ERC1: variants seen among roughly 807,000 people sequenced by gnomAD.
The protein encoded by ERC1 is ELKS/RAB6-interacting/CAST family member 1, also known as RAB6 interacting protein 2.
A neutral mutation model predicts 132.0 loss-of-function variants in ERC1; 56 were observed. That is an observed-to-expected ratio of 0.42 (90% CI 0.34 to 0.53). The LOEUF (loss-of-function observed/expected upper bound fraction) is 0.53, where lower values mean the gene tolerates loss of function less well. ERC1 is among the 20% of genes least tolerant of loss of function. ERC1 has a pLI of 0.03. For synonymous variants in ERC1, 478 were observed against 476.1 expected (o/e 1.00, Z -0.05); for missense variants, 1,202 against 1,349.9 (o/e 0.89, Z 1.72).
intron 7 of ERC1, among the ~76,000 whole-genome samples, chr12:1,133,017 G>C (rs749122213): frequency 1.3e-5 from 2 of 151,896 alleles, no homozygotes; most frequent in Non-Finnish European, 2.9e-5. Flanking sequence ...CACCACGCCT[G>C]ACTAATTTTT....
chr12:1,172,327 G>T (rs921660119), intron 8 of ERC1, among the ~76,000 whole-genome samples: 3 of 152,098 alleles, frequency 2.0e-5, no homozygotes, highest in African/African-American at 7.2e-5. Flanking sequence ...AATCGGCTGG[G>T]TGTGGTGGCA....
At chr12:1,180,771 A>C (rs1050003064) in intron 9 of ERC1, 94 bp downstream of exon 9, 117 of 1,453,546 alleles carry the variant, frequency 8.0e-5, no homozygotes, top group Non-Finnish European at 5.1e-5. Flanking sequence ...CTGTGGGCAC[A>C]AGGGAAAAGA....
intron 3 of ERC1, among the ~76,000 whole-genome samples, chr12:1,099,376 T>C (rs555336307): frequency 6.6e-6 from 1 of 152,160 alleles, no homozygotes; most frequent in African/African-American, 2.4e-5. Flanking sequence ...TGGATTTTAG[T>C]TGGCCGAAAA....
chr12:1,009,391 G>A (rs1419721461), intron 1 of ERC1, among the ~76,000 whole-genome samples: 2 of 152,018 alleles, frequency 1.3e-5, no homozygotes, highest in South Asian at 2.1e-4. Flanking sequence ...AGCCAGGATG[G>A]TCTTGATCTC....
In ERC1 at chr12:1,275,054, G is replaced by T. The variant is rs1436889539; in HGVS notation, c.2619+11889G>T. On this transcript the variant is annotated intron_variant, in intron 14 of 18. Transcript: ENST00000360905. ...AATGAGTGAATGAATGGATGGTGTG[G>T]CATGAAACTGGAGAGGTAGGCAGAA... is the stretch of plus-strand genomic sequence containing the variant. 3.3e-5 allele frequency among the ~76,000 whole-genome samples: 5 copies of T among 152,196 alleles called. No homozygotes were observed. In the East Asian group the frequency reaches 5.8e-4, roughly 18 times the overall value.
intron 15 of ERC1, among the ~76,000 whole-genome samples, chr12:1,321,119 G>A (rs1351854500): frequency 1.3e-5 from 2 of 152,208 alleles, no homozygotes; most frequent in Non-Finnish European, 2.9e-5. Flanking sequence ...TGGCGAGTGC[G>A]GGGGAAAATG....
rs543210658 is a variant in ERC1, at chr12:1,419,277, T to A, written c.3024+11030T>A. On this transcript the variant is annotated intron_variant, in intron 17 of 18. Transcript: ENST00000360905. ...GTATGTTGGACTAATTTGTAACTAT[T>A]CTCCTAAGTGTTGACCTTAATCTTT... 1.2e-4 allele frequency among the ~76,000 whole-genome samples: 18 copies of A among 152,178 alleles called. No homozygotes were observed. In the South Asian group the frequency reaches 3.3e-3, roughly 28 times the overall value.
At chr12:1,483,753 G>A (rs1001760123) in intron 18 of ERC1, among the ~76,000 whole-genome samples, 14 of 131,396 alleles carry the variant, frequency 1.1e-4, no homozygotes, top group African/African-American at 3.0e-4. Context: ...GCAGTGGCGC[G>A]ATCTCGCCTT....
rs2094306208 is a variant in ERC1 at position 1,490,308 on chromosome 12, C to G, written c.*78C>G. ...AACTACGAGGAACAGGTGCCCGGAA[C>G]CTTCTTGGCACCAAACACTACAAAC... On this transcript the variant is annotated 3_prime_UTR_variant, in exon 19 of 19. Coordinates refer to ENST00000360905, the MANE Select transcript of ERC1 (RefSeq NM_178040.4). 1.4e-6 allele frequency: 2 copies of G among 1,433,296 alleles called. No individual in the cohort carries two copies. The highest frequency in any genetic ancestry group is 1.9e-6 in the Non-Finnish European group (2 of 1,047,588). 88.8% of individuals were successfully genotyped at this position (1,433,296 alleles called of 1,614,324 possible). A position where few individuals can be genotyped will look rare whatever the true frequency, so the allele number is the denominator to read the frequency against.
chr12:1,303,225 A>G (rs1194700294), intron 15 of ERC1, among the ~76,000 whole-genome samples: 4 of 152,190 alleles, frequency 2.6e-5, no homozygotes, highest in Admixed American at 2.6e-4. Context: ...TAAAGTTGCC[A>G]CATCAATGGA....
chr12:1,120,846 G>A (rs746094430), intron 7 of ERC1, among the ~76,000 whole-genome samples: 33 of 152,266 alleles, frequency 2.2e-4, no homozygotes, highest in South Asian at 4.2e-4. Context: ...CTAGCACAAG[G>A]TGAGGACCTG....
chr12:1,244,757 G>A, intron 13 of ERC1: 2 of 298,434 alleles, frequency 6.7e-6, no homozygotes, highest in Non-Finnish European at 1.3e-5. Context: ...AGCATCATGT[G>A]ATCTGCCTGC....
chr12:1,236,681 T>G, intron 12 of ERC1, 88 bp from the exon 13 acceptor site: 1 of 1,335,292 alleles, frequency 7.5e-7, no homozygotes, highest in Non-Finnish European at 1.0e-6. Context: ...CAGCCATTCC[T>G]TATTGTCACT....
intron 17 of ERC1, among the ~76,000 whole-genome samples, chr12:1,429,012 C>G (rs2092718312): frequency 6.6e-6 from 1 of 152,184 alleles, no homozygotes; most frequent in Non-Finnish European, 1.5e-5. Flanking sequence ...CAAATAGAGG[C>G]TTGCTCTATA....
intron 17 of ERC1, among the ~76,000 whole-genome samples, chr12:1,438,320 C>T (rs540858826): frequency 4.6e-5 from 7 of 152,204 alleles, no homozygotes; most frequent in South Asian, 2.1e-4. Flanking sequence ...TTTAGCTCTC[C>T]GCTGGGGCCT....
intron 15 of ERC1, among the ~76,000 whole-genome samples, chr12:1,303,319 T>C (rs1425951908): frequency 1.3e-5 from 2 of 152,198 alleles, no homozygotes; most frequent in Admixed American, 6.5e-5. Flanking sequence ...CTTTCAAAAT[T>C]GGAGTCAATC....
intron 2 of ERC1, among the ~76,000 whole-genome samples, chr12:1,039,839 G>A (rs565393844): frequency 3.9e-5 from 6 of 152,150 alleles, no homozygotes; most frequent in Non-Finnish European, 7.3e-5. Context: ...TCAGCTACAT[G>A]CCTCTGCTTA....
At position 1,374,057 on chromosome 12, in the gene ERC1, A is replaced by G. The variant is rs76578035; in HGVS notation, c.2925+2080A>G. The stretch of plus-strand genomic sequence containing the variant: ...GAAGGAGTCTTGCCAAAGGCATTTG[A>G]TTCTTTAATTCCTCCAAGAGTGTGT... On this transcript the variant is annotated intron_variant, in intron 16 of 18. Transcript: ENST00000360905. Among the ~76,000 whole-genome samples the G allele has an allele frequency of 1.4e-3, 218 of 152,300 alleles. 1 individual carries two copies. The highest frequency in any genetic ancestry group is 4.7e-3 in the African/African-American group (195 of 41,574).
intron 2 of ERC1, among the ~76,000 whole-genome samples, chr12:1,063,737 A>G (rs796779534): frequency 3.3e-4 from 50 of 152,040 alleles, no homozygotes; most frequent in African/African-American, 1.1e-3. Flanking sequence ...TACTCCTGTC[A>G]TTTTGTTGTT....
Sources: gnomAD v4.1 joint callset for allele counts (sites outside exome capture counted in the v4.1 genomes callset) on GRCh38, gnomAD v4.1.1 for gene constraint, MANE v1.5 for transcripts, NCBI Gene and HGNC (gene_info 2026-07-23, HGNC 2026-07-21) for gene names.